The following DPP6 variants were observed in gnomAD, a reference collection of about 807,000 sequenced individuals.
The protein encoded by DPP6 is dipeptidyl peptidase like 6.
In DPP6, 69 loss-of-function variants were observed where a neutral mutation model predicts 122.6. The observed-to-expected ratio is 0.56, with a 90% CI of 0.46 to 0.69. The LOEUF (loss-of-function observed/expected upper bound fraction) is 0.69, where lower values mean the gene tolerates loss of function less well. DPP6 is among the 30% of genes least tolerant of loss of function. The pLI is 0.00. For synonymous variants in DPP6, 418 were observed against 433.1 expected, an observed-to-expected ratio of 0.97 and a Z score of 0.43; for missense variants, 928 against 1,116.9, an observed-to-expected ratio of 0.83 and a Z score of 2.41.
intron 1 of DPP6, among the ~76,000 whole-genome samples, chr7:154,126,685 G>C (rs1429256884): frequency 6.6e-6 from 1 of 151,176 alleles, no homozygotes; most frequent in African/African-American, 2.4e-5. Context: ...GTCTCTGCTT[G>C]AATTTGCACC....
intron 1 of DPP6, among the ~76,000 whole-genome samples, chr7:154,117,306 G>A (rs1222575933): frequency 1.3e-5 from 2 of 152,320 alleles, no homozygotes; most frequent in Admixed American, 6.5e-5. Context: ...CAAAGTCTGA[G>A]CAAATATGAT....
chr7:154,164,113 T>G (rs1173387180), intron 1 of DPP6, among the ~76,000 whole-genome samples: 2 of 152,050 alleles, frequency 1.3e-5, no homozygotes, highest in Admixed American at 1.3e-4. Context: ...GTTCAGGTCT[T>G]GGGCCATCGT....
intron 1 of DPP6, among the ~76,000 whole-genome samples, chr7:153,944,744 C>G (rs773507814): frequency 6.7e-6 from 1 of 149,344 alleles, no homozygotes; most frequent in South Asian, 2.2e-4. Context: ...AATTCTCCCA[C>G]CTCAACCTCT....
intron 1 of DPP6, among the ~76,000 whole-genome samples, chr7:153,905,569 A>G (rs545259680): frequency 1.2e-4 from 19 of 152,338 alleles, no homozygotes; most frequent in African/African-American, 4.3e-4. Context: ...AGAATAAAAA[A>G]GTCATAATTA....
At chr7:154,196,850 T>C (rs6966491) in intron 1 of DPP6, among the ~76,000 whole-genome samples, 7,928 of 152,212 alleles carry the variant, frequency 0.052, 707 homozygotes, top group African/African-American at 0.18. Context: ...TCCACTTAAT[T>C]GACTCTTCCC....
intron 1 of DPP6, among the ~76,000 whole-genome samples, chr7:154,030,007 G>A (rs1028414808): frequency 4.6e-5 from 7 of 152,060 alleles, no homozygotes; most frequent in Admixed American, 2.0e-4. Flanking sequence ...ACCAGCCTGG[G>A]CAACATGGCA....
upstream of DPP6, among the ~76,000 whole-genome samples, chr7:153,884,133 T>C (rs1427867372): frequency 6.6e-6 from 1 of 152,150 alleles, no homozygotes; most frequent in Admixed American, 6.5e-5. Flanking sequence ...TTACATTAGG[T>C]ATATCTCCTA....
intron 1 of DPP6, among the ~76,000 whole-genome samples, chr7:153,982,722 G>GT (rs1326324980): frequency 6.6e-6 from 1 of 152,128 alleles, no homozygotes; most frequent in Non-Finnish European, 1.5e-5. Context: ...TTCAGTTGGG[G>GT]TTTTTGCGTT....
intron 1 of DPP6, among the ~76,000 whole-genome samples, chr7:154,219,850 G>C (rs1800204725): frequency 6.6e-6 from 1 of 152,182 alleles, no homozygotes; most frequent in Non-Finnish European, 1.5e-5. Context: ...GCCTCCCAAA[G>C]TGCTGGGATT....
chr7:154,200,177 T>C (rs75226432), intron 1 of DPP6, among the ~76,000 whole-genome samples: 54 of 152,328 alleles, frequency 3.5e-4, no homozygotes, highest in African/African-American at 1.3e-3. Flanking sequence ...GGAAGGCTTT[T>C]TCTTTCCTGG....
At chr7:153,802,933 G>C in the DPP6 span, among the ~76,000 whole-genome samples, 1 of 152,012 alleles carries the variant, frequency 6.6e-6, no homozygotes, top group Non-Finnish European at 1.5e-5. Flanking sequence ...CTTGGAACTG[G>C]TCTGCTTCCT....
chr7:154,796,419 G>C (rs905818690), intron 12 of DPP6, among the ~76,000 whole-genome samples: 1 of 152,232 alleles, frequency 6.6e-6, no homozygotes, highest in Admixed American at 6.5e-5. Context: ...CTAGGAACTT[G>C]AGACCAAAAG....
At chr7:154,751,527 T>C (rs1843384625) in intron 8 of DPP6, among the ~76,000 whole-genome samples, 1 of 150,954 alleles carries the variant, frequency 6.6e-6, no homozygotes, top group Non-Finnish European at 1.5e-5. Flanking sequence ...GAAGAATCGC[T>C]TGAACCCAGG....
chr7:154,064,397 C>T (rs1802535775), intron 1 of DPP6, among the ~76,000 whole-genome samples: 1 of 152,162 alleles, frequency 6.6e-6, no homozygotes, highest in Non-Finnish European at 1.5e-5. Flanking sequence ...TGGACATTTG[C>T]TCATGGTTCA....
intron 1 of DPP6, among the ~76,000 whole-genome samples, chr7:153,917,270 A>G (rs1222263574): frequency 6.6e-6 from 1 of 152,250 alleles, no homozygotes; most frequent in Non-Finnish European, 1.5e-5. Context: ...CACAGTGCCT[A>G]TCACAGTTGG....
chr7:154,712,698 A>G (rs148350713), intron 7 of DPP6, among the ~76,000 whole-genome samples: 31 of 152,342 alleles, frequency 2.0e-4, no homozygotes, highest in African/African-American at 7.0e-4. Context: ...TATCAGCATA[A>G]CAGGATAGGG....
intron 3 of DPP6, among the ~76,000 whole-genome samples, chr7:154,535,191 C>T (rs907879994): frequency 6.6e-6 from 1 of 152,086 alleles, no homozygotes; most frequent in African/African-American, 2.4e-5. Flanking sequence ...AACGTTGCTG[C>T]TTGTTACATA....
At chr7:154,797,002 A>G (rs1157695275) in intron 12 of DPP6, among the ~76,000 whole-genome samples, 1 of 152,228 alleles carries the variant, frequency 6.6e-6, no homozygotes, top group East Asian at 1.9e-4. Context: ...GACTTAGGGA[A>G]CCCTCAAACA....
At chr7:154,781,764 C>G (rs1003471939) in intron 10 of DPP6, among the ~76,000 whole-genome samples, 5 of 152,016 alleles carry the variant, frequency 3.3e-5, no homozygotes, top group Non-Finnish European at 7.4e-5. Flanking sequence ...TAAAAAAATA[C>G]CAGAGTTAAC....
Sources: gnomAD v4.1 joint callset for allele counts (sites outside exome capture counted in the v4.1 genomes callset) on GRCh38, gnomAD v4.1.1 for gene constraint, MANE v1.5 for transcripts, NCBI Gene and HGNC (gene_info 2026-07-23, HGNC 2026-07-21) for gene names.